Variants in KALRN observed in about 807,000 individuals in gnomAD.
KALRN encodes kalirin.
KALRN carries 70 observed loss-of-function variants against 353.7 expected under a neutral mutation model. The ratio of observed to expected loss-of-function variants is 0.20; its 90% CI spans 0.16 to 0.24. The LOEUF (loss-of-function observed/expected upper bound fraction) is 0.24. KALRN is among the 10% of genes least tolerant of loss of function. The pLI is 1.00. For missense variants in KALRN, 2,791 were observed against 3,756.7 expected (o/e 0.74, Z 6.72); for synonymous variants, 1,391 against 1,434.8 (o/e 0.97, Z 0.69).
At chr3:124,685,827 G>C (rs1467126369) in intron 51 of KALRN, among the ~76,000 whole-genome samples, 1 of 152,058 alleles carries the variant, frequency 6.6e-6, no homozygotes, top group African/African-American at 2.4e-5. Context: ...CCTAGACTGG[G>C]GGCCTAACCC....
intron 10 of KALRN, among the ~76,000 whole-genome samples, chr3:124,357,954 C>A (rs2083604877): frequency 6.6e-6 from 1 of 152,134 alleles, no homozygotes; most frequent in Non-Finnish European, 1.5e-5. Flanking sequence ...TCCCTCTCAA[C>A]TCTAAGAATG....
chr3:124,497,747 G>C (rs541850730), intron 33 of KALRN, among the ~76,000 whole-genome samples: 1 of 152,288 alleles, frequency 6.6e-6, no homozygotes, highest in South Asian at 2.1e-4. Context: ...TGTATAAAAA[G>C]TGTTCCTCTT....
In KALRN at chr3:124,632,453, G is replaced by A. The variant is rs765624928; in HGVS notation, c.5216G>A (p.Gly1739Asp). The A allele has an allele frequency of 1.1e-5, 18 of 1,613,914 alleles. No homozygotes were observed. In the South Asian group the frequency reaches 1.9e-4, roughly 17 times the overall value. ...AYSHSSSENG[G>D]KSESVANLQA... The stretch of plus-strand genomic sequence containing the variant: ...TCTCATTCCTCAAGCGAGAATGGAG[G>A]CAAGTCCGAGTCCGTGGCCAACCTG... The change falls in exon 35 of 60, where the codon GGC becomes GAC. Residue 1739 changes from glycine to aspartate, a missense_variant. This residue lies in a region of KALRN where 1,065 missense variants were observed against 1,156.4 expected (regional missense o/e 0.92). Coordinates refer to ENST00000682506, the MANE Select transcript of KALRN (RefSeq NM_001388419.1).
intron 3 of KALRN, among the ~76,000 whole-genome samples, chr3:124,246,063 T>C (rs1447887148): frequency 6.6e-6 from 1 of 152,264 alleles, no homozygotes; most frequent in Non-Finnish European, 1.5e-5. Flanking sequence ...GGCTGACTAG[T>C]ACTCCATTAT....
At chr3:124,231,711 AT>A (rs71145439) in intron 2 of KALRN, among the ~76,000 whole-genome samples, 17,984 of 149,218 alleles carry the variant, frequency 0.12, 1,342 homozygotes, top group African/African-American at 0.21. Context: ...AAAGAACTTT[AT>A]TTTTTTTTTT....
chr3:124,318,253 GGTTTGGCCTACT>G (rs2078998803), intron 6 of KALRN, among the ~76,000 whole-genome samples: 1 of 152,156 alleles, frequency 6.6e-6, no homozygotes, highest in Non-Finnish European at 1.5e-5. Flanking sequence ...GCCTCCACAT[GGTTTGGCCTACT>G]GTTTGGCCAG....
At chr3:124,336,430 A>G (rs570769417) in intron 9 of KALRN, among the ~76,000 whole-genome samples, 44 of 152,134 alleles carry the variant, frequency 2.9e-4, no homozygotes, top group Non-Finnish European at 5.6e-4. Context: ...TTGCTATTTC[A>G]GTGAACTCTC....
chr3:124,455,125 G>A, intron 21 of KALRN, 52 bp from the exon 22 acceptor site: 2 of 1,593,604 alleles, frequency 1.3e-6, no homozygotes, highest in Non-Finnish European at 1.7e-6. Context: ...TTGGGGTGAA[G>A]GGGCAGGAGA....
chr3:124,626,818 G>A (rs2080010903), intron 34 of KALRN, among the ~76,000 whole-genome samples: 2 of 152,172 alleles, frequency 1.3e-5, no homozygotes, highest in Non-Finnish European at 2.9e-5. Context: ...GAATGAACTT[G>A]GATGTAGAGA....
chr3:124,225,130 C>T (rs1039772649), intron 1 of KALRN, among the ~76,000 whole-genome samples: 8 of 152,126 alleles, frequency 5.3e-5, no homozygotes, highest in African/African-American at 1.9e-4. Context: ...TTCACAAGGG[C>T]CCTGGGGGAA....
At chr3:124,635,217 T>C (rs943187262) in intron 36 of KALRN, among the ~76,000 whole-genome samples, 11 of 152,172 alleles carry the variant, frequency 7.2e-5, no homozygotes, top group African/African-American at 2.4e-4. Context: ...GTGCTGGTGC[T>C]TCACCTTGAG....
chr3:124,212,286 G>A (rs2076966324), intron 1 of KALRN, among the ~76,000 whole-genome samples: 1 of 151,592 alleles, frequency 6.6e-6, no homozygotes, highest in Non-Finnish European at 1.5e-5. Flanking sequence ...TCCATATTTG[G>A]GATCACATCA....
chr3:124,198,458 T>C (rs951211791), intron 1 of KALRN, among the ~76,000 whole-genome samples: 1 of 152,226 alleles, frequency 6.6e-6, no homozygotes, highest in African/African-American at 2.4e-5. Flanking sequence ...ATTGTTTTCA[T>C]TAAAGGCTTC....
intron 1 of KALRN, 57 bp from the exon 2 acceptor site, chr3:124,227,933 G>A (rs1296274412): frequency 4.3e-6 from 6 of 1,384,518 alleles, no homozygotes; most frequent in Non-Finnish European, 6.2e-6. Context: ...ATGGGACCTT[G>A]CGATTCAGCC....
At chr3:124,575,421 T>C (rs952604631) in intron 34 of KALRN, among the ~76,000 whole-genome samples, 1 of 152,232 alleles carries the variant, frequency 6.6e-6, no homozygotes, top group South Asian at 2.1e-4. Context: ...AAGTCCTTTC[T>C]GTGACTGCAA....
intron 34 of KALRN, among the ~76,000 whole-genome samples, chr3:124,607,452 T>C (rs1025763918): frequency 1.3e-5 from 2 of 152,186 alleles, no homozygotes; most frequent in East Asian, 3.8e-4. Context: ...TGGGAGTAAG[T>C]TGGGGAGAGA....
chr3:124,682,259 G>A (rs1175204252), intron 51 of KALRN, among the ~76,000 whole-genome samples: 1 of 152,152 alleles, frequency 6.6e-6, no homozygotes, highest in Non-Finnish European at 1.5e-5. Flanking sequence ...GTGGTCATTT[G>A]GGGCATCATT....
In KALRN at chr3:124,629,358, C is replaced by T. The variant is rs184962490; in HGVS notation, c.5183-3062C>T. Among the ~76,000 whole-genome samples the T allele has an allele frequency of 3.3e-5, 5 of 152,074 alleles. No homozygotes were observed. In the East Asian group the frequency reaches 5.8e-4, roughly 18 times the overall value. On this transcript the variant is annotated intron_variant, in intron 34 of 59. Coordinates refer to ENST00000682506, the MANE Select transcript of KALRN (RefSeq NM_001388419.1). ...TGTGCTGTATATAGTTGCCAAGATT[C>T]GTTAAAAACAAAGCAGTAACAACAA...
chr3:124,284,492 G>C (rs1019572411), intron 5 of KALRN, among the ~76,000 whole-genome samples: 2 of 152,156 alleles, frequency 1.3e-5, no homozygotes, highest in African/African-American at 4.8e-5. Context: ...AGCCATCCAT[G>C]CTTTTCCCTA....
Sources: allele counts gnomAD v4.1 joint callset (sites outside exome capture counted in the v4.1 genomes callset), GRCh38; gene constraint gnomAD v4.1.1; regional missense constraint gnomAD v4.1.1; transcripts MANE v1.5; gene names NCBI Gene and HGNC (gene_info 2026-07-23, HGNC 2026-07-21).